The following PAPOLG variants were observed in gnomAD, a reference collection of about 807,000 sequenced individuals.
The protein encoded by PAPOLG is poly(A) polymerase gamma, also known as PAP-gamma.
PAPOLG carries 40 observed loss-of-function variants against 99.0 expected under a neutral mutation model. The ratio of observed to expected loss-of-function variants is 0.40; its 90% CI spans 0.31 to 0.53. PAPOLG has a LOEUF of 0.53. Ranked by LOEUF, PAPOLG falls within the 20% of genes least tolerant of loss-of-function variation. The probability of loss-of-function intolerance (pLI) is 0.41; values close to 1 mark genes in which losing one functional copy is unlikely to be tolerated. For synonymous variants in PAPOLG, 310 were observed against 299.3 expected, an observed-to-expected ratio of 1.04 and a Z score of -0.37; for missense variants, 675 against 884.1, an observed-to-expected ratio of 0.76 and a Z score of 3.00.
At chr2:60,783,324 C>CTTTTTTT (rs72172236) in intron 13 of PAPOLG, 115 bp downstream of exon 13, 2 of 158,420 alleles carry the variant, frequency 1.3e-5, no homozygotes, top group Non-Finnish European at 2.1e-5. Flanking sequence ...TATTATATCT[C>CTTTTTTT]TTTTTTTTTT....
chr2:60,793,533 C>T (rs2103826093), intron 17 of PAPOLG, 94 bp from the exon 18 acceptor site: 1 of 1,439,858 alleles, frequency 6.9e-7, no homozygotes, highest in Non-Finnish European at 9.4e-7. Context: ...CACTGCACTC[C>T]AACTTGGGCA....
chr2:60,793,205 T>TAAAA (rs779034834), intron 17 of PAPOLG, among the ~76,000 whole-genome samples: 4 of 45,528 alleles, frequency 8.8e-5, no homozygotes, highest in African/African-American at 1.9e-4. Flanking sequence ...ATACCATGTC[T>TAAAA]AAAAAAAAAA....
At chr2:60,796,385 C>T (rs953125737) in intron 21 of PAPOLG, among the ~76,000 whole-genome samples, 4 of 151,882 alleles carry the variant, frequency 2.6e-5, no homozygotes, top group Non-Finnish European at 4.4e-5. Context: ...GTGATTCGCC[C>T]GCCTTGGCCT....
At chr2:60,778,914 T>C (rs1272785932) in intron 8 of PAPOLG, among the ~76,000 whole-genome samples, 2 of 152,244 alleles carry the variant, frequency 1.3e-5, no homozygotes, top group East Asian at 3.9e-4. Context: ...CGGGACATAA[T>C]ATAGATAGCT....
chr2:60,780,232 G>A (rs1671146486), intron 9 of PAPOLG, among the ~76,000 whole-genome samples: 1 of 151,258 alleles, frequency 6.6e-6, no homozygotes, highest in South Asian at 2.1e-4. Flanking sequence ...AGAGAACACT[G>A]CATTAAAATG....
intron 15 of PAPOLG, among the ~76,000 whole-genome samples, chr2:60,788,286 G>A (rs1051358071): frequency 3.9e-5 from 6 of 151,996 alleles, no homozygotes; most frequent in African/African-American, 1.2e-4. Flanking sequence ...ACTCTTCAAC[G>A]CTTTAAGTTT....
chr2:60,772,500 G>A (rs1300712916), intron 7 of PAPOLG, among the ~76,000 whole-genome samples: 3 of 150,720 alleles, frequency 2.0e-5, no homozygotes, highest in Non-Finnish European at 4.4e-5. Context: ...TCTAATCCCA[G>A]CACTTTGGCA....
chr2:60,782,980 C>T, intron 12 of PAPOLG, 176 bp from the exon 13 acceptor site: 3 of 487,418 alleles, frequency 6.2e-6, no homozygotes, highest in Non-Finnish European at 8.0e-6. Flanking sequence ...TTGTTTTTTA[C>T]TTGTAGGACC....
chr2:60,775,227 G>A (rs900061338), intron 8 of PAPOLG, 104 bp downstream of exon 8: 7 of 1,326,150 alleles, frequency 5.3e-6, no homozygotes, highest in Non-Finnish European at 7.1e-6. Context: ...TATTGTTGGA[G>A]GTTAAGGGCC....
chr2:60,765,522 C>T (rs1425965808), intron 3 of PAPOLG, among the ~76,000 whole-genome samples: 1 of 151,774 alleles, frequency 6.6e-6, no homozygotes, highest in Non-Finnish European at 1.5e-5. Flanking sequence ...TAGGCATGAG[C>T]CACCACTCAC....
At chr2:60,765,269 G>A (rs1670640966) in intron 3 of PAPOLG, among the ~76,000 whole-genome samples, 1 of 148,534 alleles carries the variant, frequency 6.7e-6, no homozygotes, top group African/African-American at 2.5e-5. Context: ...GTAGAGATGG[G>A]GTCTTGCCAT....
At chr2:60,787,695 T>A in intron 15 of PAPOLG, 75 bp downstream of exon 15, 1 of 1,530,114 alleles carries the variant, frequency 6.5e-7, no homozygotes, top group Non-Finnish European at 8.8e-7. Flanking sequence ...ACAATCTGGC[T>A]GGCTGTACTT....
intron 3 of PAPOLG, among the ~76,000 whole-genome samples, chr2:60,767,588 G>A (rs1048868667): frequency 2.6e-5 from 4 of 151,846 alleles, no homozygotes; most frequent in African/African-American, 9.7e-5. Context: ...GCATGACCAC[G>A]CCCAGCCAAA....
chr2:60,782,993 G>A (rs13012294), intron 12 of PAPOLG, 163 bp from the exon 13 acceptor site: 2 of 499,340 alleles, frequency 4.0e-6, no homozygotes, highest in Non-Finnish European at 5.2e-6. Flanking sequence ...GTAGGACCTA[G>A]AATTAATTTT....
intron 5 of PAPOLG, 31 bp downstream of exon 5, chr2:60,768,921 AT>A (rs1390874126): frequency 6.8e-7 from 1 of 1,470,038 alleles, no homozygotes; most frequent in Non-Finnish European, 9.2e-7. Flanking sequence ...AATATTTTGA[AT>A]TTAGATTAGT....
At chr2:60,793,222 A>G (rs1169281580) in intron 17 of PAPOLG, among the ~76,000 whole-genome samples, 5 of 150,676 alleles carry the variant, frequency 3.3e-5, no homozygotes, top group Non-Finnish European at 4.4e-5. Context: ...AAAAAAAAAA[A>G]AAAAAAAAGC....
intron 3 of PAPOLG, among the ~76,000 whole-genome samples, chr2:60,763,838 C>G (rs557800826): frequency 6.6e-6 from 1 of 152,182 alleles, no homozygotes; most frequent in Non-Finnish European, 1.5e-5. Context: ...TGGTCTCTCT[C>G]TGTTGCCCAG....
In PAPOLG at chr2:60,801,120, TAGAAAATAG is replaced by T. The variant is rs1475754483; in HGVS notation, c.*3962_*3970del. ...AGCTTAGAATGATCATTAGAAATGG[TAGAAAATAG>T]AATAAATCATTAAAGATCCCAAAAT... On this transcript the variant is annotated 3_prime_UTR_variant, in exon 22 of 22. Coordinates refer to ENST00000238714, the MANE Select transcript of PAPOLG (RefSeq NM_022894.4). 1 of 152,232 alleles carries T rather than the reference TAGAAAATAG, an allele frequency of 6.6e-6. No individual in the cohort carries two copies. The highest frequency in any genetic ancestry group is 1.5e-5 in the Non-Finnish European group (1 of 68,028). The allele number at this position is 152,232 out of a possible 1,614,324, so 9.4% of individuals were successfully genotyped here.
chr2:60,788,606 C>T (rs1671437180), intron 15 of PAPOLG, among the ~76,000 whole-genome samples: 2 of 152,158 alleles, frequency 1.3e-5, no homozygotes, highest in African/African-American at 4.8e-5. Context: ...AGGTGTGAGC[C>T]ACCTCGCCTG....
Sources: allele counts gnomAD v4.1 joint callset (sites outside exome capture counted in the v4.1 genomes callset), GRCh38; gene constraint gnomAD v4.1.1; transcripts MANE v1.5; gene names NCBI Gene and HGNC (gene_info 2026-07-23, HGNC 2026-07-21).